NDRG1: variants seen among roughly 807,000 people sequenced by gnomAD.
The protein encoded by NDRG1 is N-myc downstream regulated 1, also known as protein NDRG1.
In NDRG1, 32 loss-of-function variants were observed where a neutral mutation model predicts 56.9. The observed-to-expected ratio is 0.56, with a 90% confidence interval of 0.42 to 0.76. NDRG1 has a LOEUF of 0.76. Ranked by LOEUF, NDRG1 falls within the 30% of genes least tolerant of loss-of-function variation. The pLI is 0.00. For synonymous variants in NDRG1, 211 were observed against 204.1 expected (o/e 1.03, Z -0.29); for missense variants, 507 against 545.7 (o/e 0.93, Z 0.71).
chr8:133,295,823 G>A (rs1858719882), intron 1 of NDRG1, among the ~76,000 whole-genome samples: 1 of 152,190 alleles, frequency 6.6e-6, no homozygotes, highest in Non-Finnish European at 1.5e-5. Flanking sequence ...CTGAATATTA[G>A]ATATTTCCCA....
At chr8:133,294,390 C>T (rs1279244278) in intron 1 of NDRG1, among the ~76,000 whole-genome samples, 2 of 152,178 alleles carry the variant, frequency 1.3e-5, no homozygotes, top group African/African-American at 2.4e-5. Flanking sequence ...AGAGAGATGT[C>T]GTGTCCCTCC....
chr8:133,273,623 T>C (rs1265101895), intron 3 of NDRG1, among the ~76,000 whole-genome samples: 2 of 152,186 alleles, frequency 1.3e-5, no homozygotes, highest in Non-Finnish European at 2.9e-5. Flanking sequence ...TCCATGACTA[T>C]AACATTTTTC....
At chr8:133,244,308 A>G in intron 14 of NDRG1, 47 bp downstream of exon 14, 1 of 1,611,352 alleles carries the variant, frequency 6.2e-7, no homozygotes, top group Non-Finnish European at 8.5e-7. Context: ...CACTCCACCC[A>G]GGGGGAAGCG....
chr8:133,250,694 G>C (rs1013599603), intron 9 of NDRG1, 151 bp from the exon 10 acceptor site: 4 of 737,632 alleles, frequency 5.4e-6, no homozygotes, highest in African/African-American at 5.3e-5. Flanking sequence ...AAAAACCTTT[G>C]GGAAAGCAAC....
chr8:133,262,542 C>T (rs1324307673), intron 4 of NDRG1, among the ~76,000 whole-genome samples: 1 of 152,096 alleles, frequency 6.6e-6, no homozygotes, highest in Non-Finnish European at 1.5e-5. Context: ...ACTATACCCT[C>T]CCATCTGGGG....
At chr8:133,265,301 G>A (rs190341497) in intron 3 of NDRG1, among the ~76,000 whole-genome samples, 23 of 152,312 alleles carry the variant, frequency 1.5e-4, no homozygotes, top group Middle Eastern at 3.4e-3. Context: ...GAACTGGATC[G>A]GACTTGATGG....
intron 3 of NDRG1, among the ~76,000 whole-genome samples, chr8:133,276,518 T>C (rs898091785): frequency 3.9e-5 from 6 of 152,164 alleles, no homozygotes; most frequent in East Asian, 3.9e-4. Flanking sequence ...TGGGAGGTAA[T>C]TGAATCATGG....
At chr8:133,268,644 T>C (rs758882211) in intron 3 of NDRG1, among the ~76,000 whole-genome samples, 15 of 152,010 alleles carry the variant, frequency 9.9e-5, no homozygotes, top group Non-Finnish European at 1.5e-4. Flanking sequence ...CAATCCCATT[T>C]TATAGGTAAA....
intron 1 of NDRG1, among the ~76,000 whole-genome samples, chr8:133,288,842 C>T (rs1858276179): frequency 6.6e-6 from 1 of 152,180 alleles, no homozygotes. Context: ...TCCAGCAGGT[C>T]TCCTTCAGCT....
At chr8:133,272,976 GC>G (rs1416653302) in intron 3 of NDRG1, among the ~76,000 whole-genome samples, 1 of 152,042 alleles carries the variant, frequency 6.6e-6, no homozygotes, top group South Asian at 2.1e-4. Context: ...AGGGAAAACA[GC>G]CCCCCCACCG....
chr8:133,247,980 C>A, intron 11 of NDRG1, 54 bp from the exon 12 acceptor site: 1 of 1,581,036 alleles, frequency 6.3e-7, no homozygotes, highest in Non-Finnish European at 8.7e-7. Context: ...AAAGATTGTC[C>A]CACTCCCAGG....
chr8:133,272,732 C>T (rs1000670565), intron 3 of NDRG1, among the ~76,000 whole-genome samples: 14 of 152,160 alleles, frequency 9.2e-5, no homozygotes, highest in African/African-American at 3.1e-4. Context: ...AGCGTTCCTG[C>T]CATCTGTCAC....
chr8:133,259,351 A>AC, intron 5 of NDRG1, 121 bp from the exon 6 acceptor site: 2 of 901,378 alleles, frequency 2.2e-6, no homozygotes, highest in Non-Finnish European at 3.5e-6. Context: ...AGACCCCCCC[A>AC]CCCCCAAGTC....
At chr8:133,272,578 C>A (rs1386029989) in intron 3 of NDRG1, among the ~76,000 whole-genome samples, 6 of 152,226 alleles carry the variant, frequency 3.9e-5, no homozygotes, top group African/African-American at 1.4e-4. Context: ...CCTGGCAGAG[C>A]CTGGCCTGGA....
chr8:133,269,861 G>A (rs894177727), intron 3 of NDRG1, among the ~76,000 whole-genome samples: 7 of 152,204 alleles, frequency 4.6e-5, no homozygotes, highest in Admixed American at 6.5e-5. Context: ...AAACAGAATC[G>A]AGAAATAATA....
intron 11 of NDRG1, 145 bp from the exon 12 acceptor site, chr8:133,248,071 C>G: frequency 1.3e-6 from 1 of 772,856 alleles, no homozygotes; most frequent in South Asian, 1.5e-5. Flanking sequence ...CTTCATTCTC[C>G]TTTGATCTTA....
intron 15 of NDRG1, chr8:133,240,533 G>A (rs1478614969): frequency 6.6e-6 from 1 of 152,242 alleles, no homozygotes; most frequent in African/African-American, 2.4e-5. Flanking sequence ...AGGATGAGAA[G>A]CGTACAGTGA....
Position 133,238,984 on chromosome 8 carries a change from G to T in NDRG1, c.1079C>A (p.Thr360Asn). Residue 360 changes from threonine (T) to asparagine (N), a missense_variant, in exon 16 of 16, where the codon ACC (threonine) becomes AAC (asparagine). Thr to Asn is a moderately conservative substitution (Grantham distance 65, BLOSUM62 0). Coordinates refer to ENST00000323851, the MANE Select transcript of NDRG1 (RefSeq NM_006096.4). Reference protein sequence around the residue: ...TRSRSHTSEGTRSRSHTSEGA... With the variant: ...TRSRSHTSEGNRSRSHTSEGA... ...CTCGCTGGTGTGCGAGCGGCTGCGG[G>T]TGCCCTCGCTGGTGTGGGAGCGGCT... The T allele has an allele frequency of 6.3e-7, 1 of 1,592,752 alleles. No individual in the cohort carries two copies. The highest frequency in any genetic ancestry group is 8.5e-7 in the Non-Finnish European group (1 of 1,171,124).
rs768628701 is a variant in NDRG1, at chr8:133,259,243, C to G, written c.327-13G>C. 28 of 1,613,960 alleles carry G rather than the reference C, an allele frequency of 1.7e-5. No individual in the cohort carries two copies. The highest frequency in any genetic ancestry group is 2.3e-5 in the Non-Finnish European group (27 of 1,179,856). ...GGGGTACATGTACCTGGGGATGACA[C>G]AGAGAAGCCATTAGTGAGCGCCCGG... On this transcript the variant is annotated splice_polypyrimidine_tract_variant and intron_variant, in intron 5 of 15. Coordinates refer to ENST00000323851, the MANE Select transcript of NDRG1 (RefSeq NM_006096.4).
Sources: gnomAD v4.1 joint callset for allele counts (sites outside exome capture counted in the v4.1 genomes callset) on GRCh38, gnomAD v4.1.1 for gene constraint, MANE v1.5 for transcripts, NCBI Gene and HGNC (gene_info 2026-07-23, HGNC 2026-07-21) for gene names.